Variants in MAF observed in about 807,000 individuals in gnomAD.
MAF encodes MAF bZIP transcription factor, also known as transcription factor Maf.
In MAF, 10 loss-of-function variants were observed where a neutral mutation model predicts 22.0. The ratio of observed to expected loss-of-function variants is 0.45; its 90% confidence interval spans 0.28 to 0.77. The LOEUF (loss-of-function observed/expected upper bound fraction) is 0.77, where lower values mean the gene tolerates loss of function less well. Among genes scored for constraint, MAF ranks in the 30% least tolerant of loss-of-function variants. MAF has a pLI of 0.12. For synonymous variants in MAF, 337 were observed against 255.8 expected (o/e 1.32, Z -3.03); for missense variants, 544 against 548.4 (o/e 0.99, Z 0.08).
At chr16:79,390,930 G>A in the MAF span, among the ~76,000 whole-genome samples, 2 of 152,230 alleles carry the variant, frequency 1.3e-5, no homozygotes, top group East Asian at 3.9e-4. Context: ...GCTTATCAAA[G>A]GATTTCTGGG....
At chr16:79,303,389 G>T in the MAF span, among the ~76,000 whole-genome samples, 1 of 152,198 alleles carries the variant, frequency 6.6e-6, no homozygotes, top group Non-Finnish European at 1.5e-5. Flanking sequence ...GAAGTTAAAG[G>T]CACTGCCTAC....
the MAF span, among the ~76,000 whole-genome samples, chr16:79,444,781 G>A: frequency 2.0e-5 from 3 of 152,234 alleles, no homozygotes; most frequent in South Asian, 4.1e-4. Context: ...CCCGGCCCAC[G>A]TAATCTCCCC....
At chr16:79,220,174 T>G in the MAF span, among the ~76,000 whole-genome samples, 1 of 145,022 alleles carries the variant, frequency 6.9e-6, no homozygotes, top group African/African-American at 2.6e-5. Context: ...GAGAATTGCT[T>G]GAGCCCAGGA....
At chr16:79,552,661 C>G in the MAF span, among the ~76,000 whole-genome samples, 125 of 152,310 alleles carry the variant, frequency 8.2e-4, no homozygotes, top group African/African-American at 2.9e-3. Flanking sequence ...AGGACAGGAT[C>G]TTGGCTCTCA....
At chr16:79,223,660 A>C in the MAF span, among the ~76,000 whole-genome samples, 73,321 of 151,630 alleles carry the variant, frequency 0.48, 19,263 homozygotes, top group Non-Finnish European at 0.61. Flanking sequence ...AGACTCAATA[A>C]AAAATGATAA....
At chr16:79,276,959 T>A in the MAF span, among the ~76,000 whole-genome samples, 1 of 152,192 alleles carries the variant, frequency 6.6e-6, no homozygotes, top group Non-Finnish European at 1.5e-5. Flanking sequence ...TCTGGCTGTG[T>A]CACTCCAATC....
the MAF span, among the ~76,000 whole-genome samples, chr16:79,235,441 A>G: frequency 1.3e-5 from 2 of 152,222 alleles, no homozygotes; most frequent in East Asian, 1.9e-4. Context: ...ACACGCCTGT[A>G]GTCCCAGCTA....
At chr16:79,552,668 C>G in the MAF span, among the ~76,000 whole-genome samples, 530 of 152,320 alleles carry the variant, frequency 3.5e-3, 14 homozygotes, top group East Asian at 0.062. Flanking sequence ...GATCTTGGCT[C>G]TCATGATTTG....
At chr16:79,392,584 T>A in the MAF span, among the ~76,000 whole-genome samples, 1 of 152,072 alleles carries the variant, frequency 6.6e-6, no homozygotes, top group Non-Finnish European at 1.5e-5. Context: ...GCCACGGCTT[T>A]CCTATATTAC....
At chr16:79,453,685 C>G in the MAF span, among the ~76,000 whole-genome samples, 73 of 152,232 alleles carry the variant, frequency 4.8e-4, no homozygotes, top group East Asian at 0.013. Flanking sequence ...CTGGATAGGT[C>G]GGTCACAAGT....
At chr16:79,532,648 C>T in the MAF span, among the ~76,000 whole-genome samples, 1 of 152,138 alleles carries the variant, frequency 6.6e-6, no homozygotes, top group Non-Finnish European at 1.5e-5. Flanking sequence ...TGGGGGCGGC[C>T]TCTGTCAGGC....
the MAF span, among the ~76,000 whole-genome samples, chr16:79,299,347 G>GAAAAAAAAAAAAAAAAAAAAAAAAA: frequency 8.1e-5 from 7 of 86,786 alleles, no homozygotes; most frequent in Non-Finnish European, 1.3e-4. Context: ...CAAAGAAAAA[G>GAAAAAAAAAAAAAAAAAAAAAAAAA]AAAAAAAAAA....
chr16:79,595,139 AG>A, intron 1 of MAF: 1 of 1,019,178 alleles, frequency 9.8e-7, no homozygotes, highest in Non-Finnish European at 1.2e-6. Context: ...AAAAAAAAAA[AG>A]GAAAGAAATA....
At chr16:79,414,636 G>C in the MAF span, among the ~76,000 whole-genome samples, 196 of 152,314 alleles carry the variant, frequency 1.3e-3, no homozygotes, top group African/African-American at 4.6e-3. Context: ...ACGGACTAGT[G>C]CTCAAGGAGC....
chr16:79,564,009 C>A, the MAF span, among the ~76,000 whole-genome samples: 3 of 152,220 alleles, frequency 2.0e-5, no homozygotes, highest in South Asian at 2.1e-4. Flanking sequence ...CATAATTCCA[C>A]GTATTTCAAA....
At chr16:79,224,064 A>G in the MAF span, among the ~76,000 whole-genome samples, 33 of 152,200 alleles carry the variant, frequency 2.2e-4, 1 homozygote, top group African/African-American at 7.7e-4. Context: ...CAAAAAAAGA[A>G]AATTTGAGGC....
chr16:79,438,913 A>G, the MAF span, among the ~76,000 whole-genome samples: 2 of 152,234 alleles, frequency 1.3e-5, no homozygotes, highest in East Asian at 3.9e-4. Flanking sequence ...GGAGGTAGGT[A>G]GAATTAATTA....
chr16:79,264,094 A>G, the MAF span, among the ~76,000 whole-genome samples: 3 of 152,350 alleles, frequency 2.0e-5, no homozygotes, highest in African/African-American at 7.2e-5. Flanking sequence ...TCCCATGAAG[A>G]TTGAAATCCC....
the MAF span, among the ~76,000 whole-genome samples, chr16:79,391,998 G>C: frequency 6.7e-6 from 1 of 149,928 alleles, no homozygotes; most frequent in South Asian, 2.1e-4. Context: ...GAGAGAAGGA[G>C]GGAGAGACAG....
Sources: gnomAD v4.1 joint callset for allele counts (sites outside exome capture counted in the v4.1 genomes callset) on GRCh38, gnomAD v4.1.1 for gene constraint, MANE v1.5 for transcripts, NCBI Gene and HGNC (gene_info 2026-07-23, HGNC 2026-07-21) for gene names.